The following POTEJ variants were observed in gnomAD, a reference collection of about 807,000 sequenced individuals.
POTEJ encodes the protein POTE ankyrin domain family, member J.
A neutral mutation model predicts 69.0 loss-of-function variants in POTEJ; 11 were observed. The observed-to-expected ratio is 0.16, with a 90% CI of 0.10 to 0.26. POTEJ has a LOEUF of 0.26. POTEJ is among the 10% of genes least tolerant of loss of function. The probability of loss-of-function intolerance (pLI) is 1.00; values close to 1 mark genes in which losing one functional copy is unlikely to be tolerated. For missense variants in POTEJ, 327 were observed against 1,045.5 expected (o/e 0.31, Z 9.48); for synonymous variants, 117 against 381.1 (o/e 0.31, Z 8.07).
intron 10 of POTEJ, among the ~76,000 whole-genome samples, chr2:130,643,351 T>A (rs1317685066): frequency 7.9e-6 from 1 of 126,732 alleles, no homozygotes; most frequent in African/African-American, 2.9e-5. Flanking sequence ...AAACCCCATC[T>A]CTACTAAAAA....
intron 6 of POTEJ, among the ~76,000 whole-genome samples, chr2:130,628,940 C>T (rs1170432750): frequency 4.8e-5 from 7 of 147,126 alleles, no homozygotes; most frequent in Admixed American, 6.7e-5. Flanking sequence ...ATCGCTTGAA[C>T]CAGGGAGTGT....
At chr2:130,637,409 G>A (rs1290378668) in intron 9 of POTEJ, among the ~76,000 whole-genome samples, 1 of 150,286 alleles carries the variant, frequency 6.7e-6, no homozygotes, top group Non-Finnish European at 1.5e-5. Flanking sequence ...GTGGGTTCAT[G>A]CATTTCTCCT....
At chr2:130,634,948 C>G (rs1290245974) in intron 9 of POTEJ, among the ~76,000 whole-genome samples, 1 of 152,190 alleles carries the variant, frequency 6.6e-6, no homozygotes, top group Non-Finnish European at 1.5e-5. Context: ...TTTCTTACAC[C>G]TCATTTTATT....
chr2:130,624,010 A>G, intron 5 of POTEJ, 54 bp from the exon 6 acceptor site: 1 of 1,490,234 alleles, frequency 6.7e-7, no homozygotes, highest in Non-Finnish European at 9.1e-7. Flanking sequence ...ATTTGGTAAG[A>G]TTTTTATATC....
intron 10 of POTEJ, among the ~76,000 whole-genome samples, chr2:130,642,738 G>T (rs1430190934): frequency 2.0e-5 from 3 of 152,272 alleles, no homozygotes; most frequent in African/African-American, 4.8e-5. Context: ...TGTGTGCCCT[G>T]TCTCTGGCAT....
At chr2:130,649,601 C>A (rs1235135412) in intron 13 of POTEJ, among the ~76,000 whole-genome samples, 1 of 152,184 alleles carries the variant, frequency 6.6e-6, no homozygotes, top group Non-Finnish European at 1.5e-5. Flanking sequence ...TTCCTCTGCC[C>A]CAGCCCTTCT....
rs1687003365 is a variant in POTEJ, at chr2:130,656,670, A to G, written c.1910A>G (p.Lys637Arg). 2 of 1,610,274 alleles carry G rather than the reference A, an allele frequency of 1.2e-6. No individual in the cohort carries two copies. Among genetic ancestry groups the G allele is most frequent in the East Asian group, 4.5e-5 (2 of 44,896 alleles). ...TMKHQSQLRK[K>R]KYLEDIESVK... ...AAACATCAGAGCCAGCTAAGAAAAA[A>G]GAAATATTTGGAGGATATTGAAAGT... The change falls in exon 15 of 15, where the codon AAG (lysine) becomes AGG (arginine). Residue 637 changes from lysine (K) to arginine (R), a missense_variant. Physicochemically the swap from Lys to Arg is conservative, Grantham distance 26. Transcript: ENST00000409602.
At chr2:130,639,590 T>A (rs1686263160) in intron 10 of POTEJ, among the ~76,000 whole-genome samples, 1 of 152,256 alleles carries the variant, frequency 6.6e-6, no homozygotes, top group South Asian at 2.1e-4. Flanking sequence ...ACAAAAATGC[T>A]AGTATGCTAC....
At chr2:130,652,081 C>T (rs1216597060) in intron 13 of POTEJ, among the ~76,000 whole-genome samples, 1 of 137,516 alleles carries the variant, frequency 7.3e-6, no homozygotes, top group African/African-American at 3.1e-5. Flanking sequence ...CTCATGGGGT[C>T]GGTTTCCTCC....
intron 10 of POTEJ, among the ~76,000 whole-genome samples, chr2:130,641,884 CAG>C (rs1406824443): frequency 6.6e-6 from 1 of 152,228 alleles, no homozygotes; most frequent in Non-Finnish European, 1.5e-5. Context: ...CCGTCTGTGA[CAG>C]AAAGTCAGCA....
rs1261669798 is a variant in POTEJ at position 130,618,526 on chromosome 2, C to T, written c.699+1288C>T. Reference sequence around the variant, plus strand: ...GGCTGAGGTGGGAGGATTGCTTGAGCTCAGGAGTTCGAGTCTAGCCTGGTC... The same window carrying T: ...GGCTGAGGTGGGAGGATTGCTTGAGTTCAGGAGTTCGAGTCTAGCCTGGTC... On this transcript the variant is annotated intron_variant, in intron 3 of 14. Transcript: ENST00000409602. 4.0e-5 allele frequency among the ~76,000 whole-genome samples: 6 copies of T among 148,446 alleles called. No individual in the cohort carries two copies. The East Asian group carries it at 1.2e-3, about 29-fold the overall frequency.
At chr2:130,613,313 CATATATATACATATGTAT>C (rs1558915561) in intron 1 of POTEJ, among the ~76,000 whole-genome samples, 5,318 of 76,666 alleles carry the variant, frequency 0.069, 490 homozygotes, top group African/African-American at 0.22. Flanking sequence ...TGTATATATA[CATATATATACATATGTAT>C]ATATACATAT....
intron 9 of POTEJ, among the ~76,000 whole-genome samples, chr2:130,638,359 T>C (rs1223772355): frequency 6.6e-6 from 1 of 150,864 alleles, no homozygotes; most frequent in Non-Finnish European, 1.5e-5. Flanking sequence ...TGGGACACTT[T>C]CTATTATGTC....
intron 9 of POTEJ, among the ~76,000 whole-genome samples, chr2:130,637,236 C>G (rs1203551009): frequency 6.6e-6 from 1 of 151,414 alleles, no homozygotes; most frequent in Non-Finnish European, 1.5e-5. Flanking sequence ...TGGTTATTCA[C>G]TATTTATTCT....
At chr2:130,637,426 G>A (rs1428714796) in intron 9 of POTEJ, among the ~76,000 whole-genome samples, 4 of 149,804 alleles carry the variant, frequency 2.7e-5, no homozygotes, top group African/African-American at 9.8e-5. Flanking sequence ...TCCTGCCTCA[G>A]CCTCCCAAGG....
intron 10 of POTEJ, among the ~76,000 whole-genome samples, chr2:130,639,060 G>C (rs1191902590): frequency 8.5e-5 from 13 of 152,294 alleles, no homozygotes; most frequent in Non-Finnish European, 1.9e-4. Context: ...ATGCTCCTAT[G>C]AGTATCTAAT....
At chr2:130,649,547 C>T (rs1233462364) in intron 13 of POTEJ, among the ~76,000 whole-genome samples, 1 of 152,084 alleles carries the variant, frequency 6.6e-6, no homozygotes, top group Non-Finnish European at 1.5e-5. Flanking sequence ...TTCATCAATT[C>T]TTATCTCAGT....
chr2:130,620,599 CT>C (rs1285264509), intron 4 of POTEJ, among the ~76,000 whole-genome samples: 2 of 132,298 alleles, frequency 1.5e-5, no homozygotes, highest in Non-Finnish European at 1.6e-5. Flanking sequence ...CTTTAAGTTG[CT>C]TTCTTTGAAG....
intron 9 of POTEJ, among the ~76,000 whole-genome samples, chr2:130,633,040 C>T (rs1223295633): frequency 6.2e-5 from 9 of 145,616 alleles, no homozygotes; most frequent in South Asian, 2.1e-4. Flanking sequence ...CTCCCTCCCG[C>T]GACGCTCCAC....
Sources: gnomAD v4.1 joint callset for allele counts (sites outside exome capture counted in the v4.1 genomes callset) on GRCh38, gnomAD v4.1.1 for gene constraint, MANE v1.5 for transcripts, NCBI Gene and HGNC (gene_info 2026-07-23, HGNC 2026-07-21) for gene names.